Variants in PKHD1 observed in about 807,000 individuals in gnomAD.
PKHD1 encodes fibrocystin.
PKHD1 carries 291 observed loss-of-function variants against 412.0 expected under a neutral mutation model. The observed-to-expected ratio is 0.71, with a 90% CI of 0.64 to 0.78. The LOEUF (loss-of-function observed/expected upper bound fraction) is 0.78. Among genes scored for constraint, PKHD1 ranks in the 30% least tolerant of loss-of-function variants. The pLI, the probability that PKHD1 is intolerant of heterozygous loss-of-function variation, is 0.00. For missense variants in PKHD1, 4,825 were observed against 4,950.7 expected, an observed-to-expected ratio of 0.97 and a Z score of 0.76; for synonymous variants, 1,777 against 1,821.5, an observed-to-expected ratio of 0.98 and a Z score of 0.62.
intron 48 of PKHD1, among the ~76,000 whole-genome samples, chr6:51,861,391 A>C (rs189289031): frequency 6.6e-6 from 1 of 152,326 alleles, no homozygotes; most frequent in African/African-American, 2.4e-5. Context: ...CATTGCACAG[A>C]GCTCTAAATG....
At chr6:52,065,825 C>G in intron 12 of PKHD1, 151 bp downstream of exon 12, 1 of 656,476 alleles carries the variant, frequency 1.5e-6, no homozygotes, top group Non-Finnish European at 2.8e-6. Flanking sequence ...CAAAATCCCA[C>G]CTGGTCTCAA....
In PKHD1 at chr6:51,616,618, G is replaced by T; in HGVS notation, c.*2463C>A. The T allele has an allele frequency of 2.5e-6, 1 of 397,460 alleles. No individual in the cohort carries two copies. Among genetic ancestry groups the T allele is most frequent in the Non-Finnish European group, 4.4e-6 (1 of 225,734 alleles). The allele number at this position is 397,460 out of a possible 1,614,324, so 24.6% of individuals were successfully genotyped here. ...CCAAAATTCCATGCCACATGCTAGAGCCTGGCAAGTTACTGAAGATGTTTA... is the reference window on the plus strand; with the variant it reads ...CCAAAATTCCATGCCACATGCTAGATCCTGGCAAGTTACTGAAGATGTTTA... On this transcript the variant is annotated 3_prime_UTR_variant, in exon 67 of 67. Coordinates refer to ENST00000371117, the MANE Select transcript of PKHD1 (RefSeq NM_138694.4).
At chr6:51,640,471 AG>A (rs1288504483) in intron 63 of PKHD1, among the ~76,000 whole-genome samples, 1 of 152,220 alleles carries the variant, frequency 6.6e-6, no homozygotes, top group African/African-American at 2.4e-5. Context: ...ACATTACTCC[AG>A]GGTTCATCAT....
chr6:51,895,691 G>C (rs558804515), intron 43 of PKHD1, among the ~76,000 whole-genome samples: 1 of 152,060 alleles, frequency 6.6e-6, no homozygotes, highest in African/African-American at 2.4e-5. Flanking sequence ...GAACAGCTCC[G>C]GTCTACAGCT....
rs767944091 is a variant in PKHD1, at chr6:52,054,107, G to A, written c.1895C>T (p.Thr632Ile). 9 of 1,613,728 alleles carry A rather than the reference G, an allele frequency of 5.6e-6. No homozygotes were observed. The highest frequency in any genetic ancestry group is 1.3e-5 in the African/African-American group (1 of 75,026). Residue 632 changes from threonine to isoleucine, a missense_variant, in exon 20 of 67, where the codon ACA (threonine) becomes ATA (isoleucine). Physicochemically the swap from Thr to Ile is moderately conservative, Grantham distance 89 (BLOSUM62 -1). Coordinates refer to ENST00000371117, the MANE Select transcript of PKHD1 (RefSeq NM_138694.4). ...CTTTACCATGTTTTGAAAGCCGATTGTGAAGGACACAATCATCTTCAGGAT... is the reference window on the plus strand; with the variant it reads ...CTTTACCATGTTTTGAAAGCCGATTATGAAGGACACAATCATCTTCAGGAT... ...NKILKMIVSF[T>I]IGFQNMVKNT...
intron 60 of PKHD1, among the ~76,000 whole-genome samples, chr6:51,709,865 T>TTC (rs3061725): frequency 1.3e-5 from 2 of 151,608 alleles, no homozygotes; most frequent in African/African-American, 4.8e-5. Flanking sequence ...TTTTTTTTTT[T>TTC]ACATAACTGA....
chr6:51,847,811 A>G lies in PKHD1; in HGVS notation c.8071T>C (p.Phe2691Leu), dbSNP rs1562452936. 1 of 1,614,026 alleles carries G rather than the reference A, an allele frequency of 6.2e-7. No homozygotes were observed. The highest frequency in any genetic ancestry group is 1.3e-5 in the African/African-American group (1 of 75,030). The change falls in exon 50 of 67, where the codon TTC (phenylalanine) becomes CTC (leucine). Residue 2691 changes from phenylalanine (F) to leucine (L), a missense_variant. Phe to Leu is a conservative substitution (Grantham distance 22). Transcript: ENST00000371117. ...AGTTGCCTCAGCTGGCTATTGAAGA[A>G]CCAGTCACAGCCTTGGTTCTGACCT... Reference protein sequence around the residue: ...SPGQNQGCDWFFNSQLRQLTY... With the variant: ...SPGQNQGCDWLFNSQLRQLTY...
At chr6:52,074,704 G>A (rs1349630719) in intron 6 of PKHD1, among the ~76,000 whole-genome samples, 3 of 152,186 alleles carry the variant, frequency 2.0e-5, no homozygotes, top group Admixed American at 6.5e-5. Context: ...TGCTAACCAC[G>A]TATAGAAACC....
At chr6:51,900,565 AC>A (rs1203266001) in intron 43 of PKHD1, among the ~76,000 whole-genome samples, 1 of 152,170 alleles carries the variant, frequency 6.6e-6, no homozygotes, top group Admixed American at 6.6e-5. Context: ...AACCATAAAA[AC>A]CCTAGAAGAA....
intron 27 of PKHD1, among the ~76,000 whole-genome samples, chr6:52,036,743 A>T (rs1453430409): frequency 3.3e-5 from 5 of 152,240 alleles, no homozygotes; most frequent in Admixed American, 2.6e-4. Context: ...ACAAAAATTA[A>T]GAAGATAAAA....
intron 60 of PKHD1, among the ~76,000 whole-genome samples, chr6:51,666,081 A>T (rs1394561587): frequency 2.6e-5 from 4 of 152,142 alleles, no homozygotes; most frequent in Non-Finnish European, 1.5e-5. Context: ...GTGGACTGAG[A>T]AGATGGTATA....
intron 63 of PKHD1, among the ~76,000 whole-genome samples, chr6:51,642,322 A>C (rs961806617): frequency 6.6e-6 from 1 of 152,168 alleles, no homozygotes; most frequent in African/African-American, 2.4e-5. Flanking sequence ...CAAGGTACAG[A>C]ATATAAGTAA....
At chr6:51,716,675 T>A (rs1365421031) in intron 60 of PKHD1, among the ~76,000 whole-genome samples, 15 of 151,688 alleles carry the variant, frequency 9.9e-5, no homozygotes, top group Non-Finnish European at 1.5e-5. Context: ...CTTATTCCAT[T>A]GGACTCAGGG....
intron 52 of PKHD1, among the ~76,000 whole-genome samples, chr6:51,812,767 A>T (rs1237919318): frequency 1.3e-5 from 2 of 152,170 alleles, no homozygotes; most frequent in East Asian, 3.8e-4. Context: ...ATTAGCTGAG[A>T]GTCTAGTACC....
At chr6:51,810,740 T>C (rs186343652) in intron 52 of PKHD1, among the ~76,000 whole-genome samples, 6 of 152,264 alleles carry the variant, frequency 3.9e-5, no homozygotes, top group Admixed American at 2.6e-4. Flanking sequence ...CACAGAGTAG[T>C]ATAGGCAGAA....
chr6:51,736,077 C>T (rs893765199), intron 60 of PKHD1, among the ~76,000 whole-genome samples: 3 of 152,128 alleles, frequency 2.0e-5, no homozygotes, highest in East Asian at 1.9e-4. Flanking sequence ...GAGTAGAACC[C>T]GTTGATGGCA....
In PKHD1 at chr6:52,059,377, T is replaced by C. The variant is rs547512400; in HGVS notation, c.1233+551A>G. Among the ~76,000 whole-genome samples, 398 of 147,308 alleles carry C rather than the reference T, an allele frequency of 2.7e-3. 1 individual carries two copies. The highest frequency in any genetic ancestry group is 9.3e-3 in the African/African-American group (372 of 39,926). ...GATCCTCCTGCCTCAGCCCCTCAAG[T>C]AGTTGGGACTATAGGCATGCGCCAC... On this transcript the variant is annotated intron_variant, in intron 15 of 66. Coordinates refer to ENST00000371117, the MANE Select transcript of PKHD1 (RefSeq NM_138694.4).
intron 35 of PKHD1, among the ~76,000 whole-genome samples, chr6:51,992,128 CA>C (rs1168363805): frequency 5.9e-5 from 9 of 152,168 alleles, no homozygotes; most frequent in South Asian, 4.1e-4. Flanking sequence ...TAATAGTCAT[CA>C]CTTTAAAGTT....
At chr6:51,770,880 G>A (rs1349989521) in intron 55 of PKHD1, among the ~76,000 whole-genome samples, 1 of 152,012 alleles carries the variant, frequency 6.6e-6, no homozygotes, top group Non-Finnish European at 1.5e-5. Context: ...TTACTGTGAA[G>A]GTATTTTGTC....
Sources: gnomAD v4.1 joint callset for allele counts (sites outside exome capture counted in the v4.1 genomes callset) on GRCh38, gnomAD v4.1.1 for gene constraint, MANE v1.5 for transcripts, NCBI Gene and HGNC (gene_info 2026-07-23, HGNC 2026-07-21) for gene names.